Variants in ACSBG2 observed in about 807,000 individuals in gnomAD.
ACSBG2 encodes the protein acyl-CoA synthetase bubblegum family member 2.
In ACSBG2, 62 loss-of-function variants were observed where a neutral mutation model predicts 74.7. The ratio of observed to expected loss-of-function variants is 0.83; its 90% CI spans 0.68 to 1.03. The LOEUF (loss-of-function observed/expected upper bound fraction) is 1.03, where lower values mean the gene tolerates loss of function less well. Among genes scored for constraint, ACSBG2 ranks in the 50% least tolerant of loss-of-function variants. The probability of loss-of-function intolerance (pLI) is 0.00; values close to 1 mark genes in which losing one functional copy is unlikely to be tolerated. For missense variants in ACSBG2, 730 were observed against 817.6 expected (o/e 0.89, Z 1.31); for synonymous variants, 309 against 294.1 (o/e 1.05, Z -0.52).
chr19:6,182,940 G>T lies in ACSBG2; in HGVS notation c.1088+8G>T. Reference sequence around the variant, plus strand: ...CTCAAAAAAGATGTTGGGGTAGGTGGAGCATCCAGAGGGCTGGGAGGGTAG... The same window carrying T: ...CTCAAAAAAGATGTTGGGGTAGGTGTAGCATCCAGAGGGCTGGGAGGGTAG... On this transcript the variant is annotated splice_region_variant and intron_variant, in intron 9 of 14. Transcript: ENST00000588485. The T allele has an allele frequency of 6.2e-7, 1 of 1,613,918 alleles. No individual in the cohort carries two copies. Among genetic ancestry groups the T allele is most frequent in the Non-Finnish European group, 8.5e-7 (1 of 1,179,870 alleles).
At chr19:6,170,351 A>G (rs2145172019) in intron 7 of ACSBG2, among the ~76,000 whole-genome samples, 1 of 152,258 alleles carries the variant, frequency 6.6e-6, no homozygotes, top group Middle Eastern at 3.4e-3. Flanking sequence ...ATGGCTTTTG[A>G]TTTTAATTCT....
At chr19:6,178,717 G>C (rs932594081) in intron 8 of ACSBG2, among the ~76,000 whole-genome samples, 1 of 152,126 alleles carries the variant, frequency 6.6e-6, no homozygotes, top group African/African-American at 2.4e-5. Flanking sequence ...CACTTAGCTG[G>C]ACTGTTGTTT....
At position 6,161,388 on chromosome 19, in the gene ACSBG2, A is replaced by AT. The variant is rs1166079842; in HGVS notation, c.588+93_588+94insT. 2.4e-6 allele frequency: 3 copies of AT among 1,229,166 alleles called. No individual in the cohort carries two copies. The Admixed American group carries it at 5.7e-5, about 23-fold the overall frequency. The allele number at this position is 1,229,166 out of a possible 1,614,324, so 76.1% of individuals were successfully genotyped here. A position where few individuals can be genotyped will look rare whatever the true frequency, so the allele number is the denominator to read the frequency against. On this transcript the variant is annotated intron_variant, in intron 6 of 14. Coordinates refer to ENST00000588485, the MANE Select transcript of ACSBG2 (RefSeq NM_030924.5). ...TAAGTGGAAGGTGAGCAGAGGGAGG[A>AT]GGTCGGACCTGGCAAGGGTGGGAAC... is the stretch of plus-strand genomic sequence containing the variant.
At chr19:6,155,304 T>C (rs547501199) in intron 4 of ACSBG2, among the ~76,000 whole-genome samples, 58 of 152,268 alleles carry the variant, frequency 3.8e-4, no homozygotes, top group African/African-American at 1.4e-3. Flanking sequence ...TAAATTGAGA[T>C]GGATTACAGA....
intron 4 of ACSBG2, among the ~76,000 whole-genome samples, chr19:6,152,770 G>A (rs1042524625): frequency 1.3e-5 from 2 of 151,874 alleles, no homozygotes; most frequent in Non-Finnish European, 2.9e-5. Flanking sequence ...GCAAAAAGTC[G>A]GGGACAACCT....
At chr19:6,163,022 T>C (rs1006661120) in intron 6 of ACSBG2, among the ~76,000 whole-genome samples, 9 of 151,704 alleles carry the variant, frequency 5.9e-5, no homozygotes, top group African/African-American at 2.2e-4. Flanking sequence ...CAGTAGCTCA[T>C]GCCTGTAATT....
At chr19:6,143,524 G>A (rs1218406737) in intron 2 of ACSBG2, among the ~76,000 whole-genome samples, 2 of 151,908 alleles carry the variant, frequency 1.3e-5, no homozygotes, top group South Asian at 2.1e-4. Flanking sequence ...TTCCAAATAC[G>A]GTCACAGTCT....
At position 6,183,248 on chromosome 19, in the gene ACSBG2, AC is replaced by A. The variant is rs764299883; in HGVS notation, c.1300del (p.Gln434ArgfsTer7). The A allele has an allele frequency of 6.2e-7, 1 of 1,614,142 alleles. No homozygotes were observed. Among genetic ancestry groups the A allele is most frequent in the East Asian group, 2.2e-5 (1 of 44,868 alleles). ...AGCTCGGGACCCCACACGATATCCAACCAGAATAACTACAGGCTTCTAAGGT... is the reference window on the plus strand; with the variant it reads ...AGCTCGGGACCCCACACGATATCCAACAGAATAACTACAGGCTTCTAAGGT... The part of the protein sequence containing the change: ...SESSGPHTIS[N>X]QNNYRLLSCG... On this transcript the variant is annotated frameshift_variant, in exon 10 of 15. Coordinates refer to ENST00000588485, the MANE Select transcript of ACSBG2 (RefSeq NM_030924.5). LOFTEE classifies it high-confidence loss of function.
chr19:6,136,600 C>T (rs372766290), intron 1 of ACSBG2, among the ~76,000 whole-genome samples: 10 of 150,778 alleles, frequency 6.6e-5, no homozygotes, highest in African/African-American at 2.4e-4. Context: ...TGGCCTCAAG[C>T]GATCCACCCG....
At position 6,138,638 on chromosome 19, in the gene ACSBG2, GAA is replaced by G. The variant is rs1244869305; in HGVS notation, c.-32+2730_-32+2731del. Among the ~76,000 whole-genome samples the G allele has an allele frequency of 3.3e-4, 44 of 132,806 alleles. 1 individual carries two copies. The highest frequency in any genetic ancestry group is 1.1e-3 in the African/African-American group (40 of 35,034). 87.1% of individuals were successfully genotyped at this position (132,806 alleles called of 152,430 possible). On this transcript the variant is annotated intron_variant, in intron 1 of 14. Coordinates refer to ENST00000588485, the MANE Select transcript of ACSBG2 (RefSeq NM_030924.5). Reference sequence around the variant, plus strand: ...GAAGGAAGGGGAGGAAGAAAGAAAGGAAGGGAAGGGAAGAAGGAAGAAAGAAA... The same window carrying G: ...GAAGGAAGGGGAGGAAGAAAGAAAGGGGGAAGGGAAGAAGGAAGAAAGAAA...
chr19:6,190,428 C>A, intron 13 of ACSBG2, 156 bp from the exon 14 acceptor site: 1 of 619,920 alleles, frequency 1.6e-6, no homozygotes, highest in Non-Finnish European at 2.9e-6. Context: ...TTTATCATCC[C>A]CATACAGATG....
chr19:6,152,301 T>TTTA (rs1424577463), intron 4 of ACSBG2, among the ~76,000 whole-genome samples: 3 of 71,352 alleles, frequency 4.2e-5, no homozygotes, highest in Non-Finnish European at 9.7e-5. Context: ...TTTTTTTTTT[T>TTTA]GAGACGGAGT....
At chr19:6,176,411 G>C in intron 7 of ACSBG2, 1 of 1,501,626 alleles carries the variant, frequency 6.7e-7, no homozygotes, top group Non-Finnish European at 9.0e-7. Context: ...TCAGTTGAAA[G>C]TCCTTTGCCA....
At chr19:6,158,934 CTTTT>C (rs909115491) in intron 5 of ACSBG2, among the ~76,000 whole-genome samples, 1 of 151,836 alleles carries the variant, frequency 6.6e-6, no homozygotes, top group Non-Finnish European at 1.5e-5. Context: ...TTTCTTTTTT[CTTTT>C]TCTTTTCTTT....
intron 14 of ACSBG2, chr19:6,191,615 T>C (rs951077133): frequency 2.0e-5 from 3 of 152,142 alleles, no homozygotes; most frequent in Non-Finnish European, 2.9e-5. Context: ...ATTTCCCTTT[T>C]ATAGGGACAG....
Position 6,183,051 on chromosome 19 carries a change from T to G in ACSBG2, c.1101T>G (p.Thr367=). The G allele has an allele frequency of 6.2e-7, 1 of 1,614,064 alleles. No homozygotes were observed. The highest frequency in any genetic ancestry group is 8.5e-7 in the Non-Finnish European group (1 of 1,180,000). ...NSKKMLGKYN[T]PVSYRMAKTL... ...TTCTTATTCACAGGAAATATAATAC[T>G]CCCGTGAGCTACCGCATGGCTAAGA... The change falls in exon 10 of 15, where the codon ACT becomes ACG. Residue 367 remains threonine (T), a synonymous_variant. Coordinates refer to ENST00000588485, the MANE Select transcript of ACSBG2 (RefSeq NM_030924.5).
At chr19:6,186,668 G>A (rs902465634) in intron 11 of ACSBG2, among the ~76,000 whole-genome samples, 5 of 152,182 alleles carry the variant, frequency 3.3e-5, no homozygotes, top group Non-Finnish European at 7.3e-5. Context: ...AGGTCATAAG[G>A]AATTTTAAAA....
intron 2 of ACSBG2, among the ~76,000 whole-genome samples, chr19:6,146,326 C>G (rs2089029742): frequency 1.3e-5 from 2 of 150,998 alleles, no homozygotes; most frequent in African/African-American, 4.9e-5. Context: ...AAAAATTAGC[C>G]AGATGTGGTG....
At position 6,136,509 on chromosome 19, in the gene ACSBG2, C is replaced by T. The variant is rs144155693; in HGVS notation, c.-32+600C>T. ...TCTCAAAGTGCTGGGATTATAGGCACGCGCCACCATGCCCAGCTAATTTTT... is the reference window on the plus strand; with the variant it reads ...TCTCAAAGTGCTGGGATTATAGGCATGCGCCACCATGCCCAGCTAATTTTT... On this transcript the variant is annotated intron_variant, in intron 1 of 14. Coordinates refer to ENST00000588485, the MANE Select transcript of ACSBG2 (RefSeq NM_030924.5). 8.9e-3 allele frequency among the ~76,000 whole-genome samples: 1,349 copies of T among 151,202 alleles called. 13 individuals carry two copies. The highest frequency in any genetic ancestry group is 0.013 in the East Asian group (65 of 4,822).
Sources: gnomAD v4.1 joint callset for allele counts (sites outside exome capture counted in the v4.1 genomes callset) on GRCh38, gnomAD v4.1.1 for gene constraint, MANE v1.5 for transcripts, NCBI Gene and HGNC (gene_info 2026-07-23, HGNC 2026-07-21) for gene names.